Variants in LINGO2 observed in about 807,000 individuals in gnomAD.
The protein encoded by LINGO2 is leucine-rich repeat and immunoglobulin-like domain-containing nogo receptor-interacting protein 2.
Under a neutral mutation model 30.6 loss-of-function variants are expected in LINGO2, and 14 were observed. The ratio of observed to expected loss-of-function variants is 0.46; its 90% CI spans 0.30 to 0.72. LINGO2 has a LOEUF of 0.72. LINGO2 is among the 30% of genes least tolerant of loss of function. The probability of loss-of-function intolerance (pLI) is 0.07; values close to 1 mark genes in which losing one functional copy is unlikely to be tolerated. For synonymous variants in LINGO2, 317 were observed against 288.5 expected (o/e 1.10, Z -1.00); for missense variants, 729 against 751.7 (o/e 0.97, Z 0.35).
chr9:28,077,138 A>T (rs911406857), intron 4 of LINGO2, among the ~76,000 whole-genome samples: 1 of 152,076 alleles, frequency 6.6e-6, no homozygotes, highest in Admixed American at 6.6e-5. Context: ...CGATGTGAAC[A>T]TGTGGTCAGA....
intron 4 of LINGO2, among the ~76,000 whole-genome samples, chr9:28,102,601 TAA>T (rs5897271): frequency 1.4e-4 from 21 of 149,952 alleles, no homozygotes; most frequent in African/African-American, 4.9e-4. Context: ...AAGGGGTTAT[TAA>T]AAAAAAAATT....
intron 4 of LINGO2, among the ~76,000 whole-genome samples, chr9:28,293,890 T>C (rs183024745): frequency 2.4e-4 from 36 of 152,344 alleles, no homozygotes; most frequent in Admixed American, 1.6e-3. Flanking sequence ...TCGGTTTCAC[T>C]TTCTTCTACT....
chr9:28,093,371 G>T (rs529429990), intron 4 of LINGO2, among the ~76,000 whole-genome samples: 2 of 152,164 alleles, frequency 1.3e-5, no homozygotes, highest in Admixed American at 1.3e-4. Flanking sequence ...TAATGACAAA[G>T]ATGGGCACTT....
At chr9:29,099,160 G>A in the LINGO2 span, among the ~76,000 whole-genome samples, 1 of 152,104 alleles carries the variant, frequency 6.6e-6, no homozygotes, top group Non-Finnish European at 1.5e-5. Flanking sequence ...GATAGTGCTG[G>A]GAAAACTAAA....
chr9:28,196,040 C>T (rs1035852174), intron 4 of LINGO2, among the ~76,000 whole-genome samples: 5 of 151,098 alleles, frequency 3.3e-5, no homozygotes, highest in Admixed American at 1.3e-4. Context: ...ATATAAAAAC[C>T]GTTTGATTAT....
the LINGO2 span, among the ~76,000 whole-genome samples, chr9:29,162,375 T>C: frequency 6.6e-6 from 1 of 152,220 alleles, no homozygotes; most frequent in Non-Finnish European, 1.5e-5. Flanking sequence ...TATGAATTCA[T>C]GTTTGAATAT....
chr9:29,132,266 A>C, the LINGO2 span, among the ~76,000 whole-genome samples: 1 of 152,080 alleles, frequency 6.6e-6, no homozygotes, highest in Non-Finnish European at 1.5e-5. Flanking sequence ...CATAAGGCTG[A>C]TTTGTGCTGA....
the LINGO2 span, among the ~76,000 whole-genome samples, chr9:28,695,072 A>G: frequency 6.6e-6 from 1 of 151,854 alleles, no homozygotes; most frequent in Non-Finnish European, 1.5e-5. Flanking sequence ...CAAACAAACA[A>G]ACAAGCACTC....
intron 5 of LINGO2, among the ~76,000 whole-genome samples, chr9:27,985,213 C>CAT (rs1821068798): frequency 6.6e-6 from 1 of 151,834 alleles, no homozygotes; most frequent in Non-Finnish European, 1.5e-5. Context: ...CCATGAGCAT[C>CAT]ATATATATAC....
At chr9:28,789,176 C>G in the LINGO2 span, among the ~76,000 whole-genome samples, 4 of 151,994 alleles carry the variant, frequency 2.6e-5, no homozygotes, top group Non-Finnish European at 4.4e-5. Flanking sequence ...TTGTTTATGA[C>G]ATTGGGCATG....
intron 4 of LINGO2, among the ~76,000 whole-genome samples, chr9:28,107,708 G>A (rs11794178): frequency 0.052 from 7,856 of 152,150 alleles, 249 homozygotes; most frequent in Middle Eastern, 0.13. Flanking sequence ...AAGGGCCAGT[G>A]GTAATTCACC....
chr9:28,233,811 G>C (rs990010103), intron 4 of LINGO2, among the ~76,000 whole-genome samples: 1 of 152,120 alleles, frequency 6.6e-6, no homozygotes, highest in African/African-American at 2.4e-5. Context: ...TAGCTCCCAG[G>C]TGACATTTCT....
At chr9:28,803,157 T>C in the LINGO2 span, among the ~76,000 whole-genome samples, 1 of 152,044 alleles carries the variant, frequency 6.6e-6, no homozygotes, top group African/African-American at 2.4e-5. Flanking sequence ...TCGAATTTAT[T>C]TTTCCTTGAC....
the LINGO2 span, among the ~76,000 whole-genome samples, chr9:28,720,604 G>T: frequency 2.4e-4 from 36 of 152,066 alleles, 1 homozygote; most frequent in East Asian, 5.6e-3. Flanking sequence ...GCCATAGTTA[G>T]AATTCAAGGG....
At chr9:28,533,512 T>C (rs1821314548) in intron 1 of LINGO2, among the ~76,000 whole-genome samples, 1 of 152,172 alleles carries the variant, frequency 6.6e-6, no homozygotes, top group Admixed American at 6.5e-5. Flanking sequence ...GTTTATCTTA[T>C]AAGGAAGGAG....
intron 4 of LINGO2, among the ~76,000 whole-genome samples, chr9:28,252,282 G>C (rs1359462456): frequency 6.6e-6 from 1 of 152,100 alleles, no homozygotes; most frequent in Non-Finnish European, 1.5e-5. Flanking sequence ...CTGGAGTGCA[G>C]TGGTGTGATC....
chr9:29,154,876 T>G, the LINGO2 span, among the ~76,000 whole-genome samples: 1 of 152,184 alleles, frequency 6.6e-6, no homozygotes, highest in African/African-American at 2.4e-5. Flanking sequence ...CTGTCTCCTC[T>G]AGTACAAAAA....
chr9:28,176,677 T>G (rs1828759908), intron 4 of LINGO2, among the ~76,000 whole-genome samples: 1 of 152,154 alleles, frequency 6.6e-6, no homozygotes, highest in Non-Finnish European at 1.5e-5. Context: ...ATTTCTATAT[T>G]GAAGATAAGG....
the LINGO2 span, among the ~76,000 whole-genome samples, chr9:29,016,232 A>C: frequency 6.6e-6 from 1 of 152,200 alleles, no homozygotes; most frequent in Non-Finnish European, 1.5e-5. Context: ...TTTCCCTTAA[A>C]CAGTAGTTGC....
Sources: allele counts gnomAD v4.1 joint callset (sites outside exome capture counted in the v4.1 genomes callset), GRCh38; gene constraint gnomAD v4.1.1; transcripts MANE v1.5; gene names NCBI Gene and HGNC (gene_info 2026-07-23, HGNC 2026-07-21).